Variants in C1QL4 observed in about 807,000 individuals in gnomAD.
C1QL4 encodes the protein complement C1q like 4.
In C1QL4, 5 loss-of-function variants were observed where a neutral mutation model predicts 13.4. The observed-to-expected ratio is 0.37, with a 90% CI of 0.19 to 0.78. The LOEUF is 0.78. Among genes scored for constraint, C1QL4 ranks in the 30% least tolerant of loss-of-function variants. C1QL4 has a pLI of 0.47. For synonymous variants in C1QL4, 168 were observed against 153.9 expected (o/e 1.09, Z -0.68); for missense variants, 367 against 361.6 (o/e 1.01, Z -0.12).
intron 1 of C1QL4, among the ~76,000 whole-genome samples, chr12:49,335,343 C>T (rs1943623547): frequency 6.6e-6 from 1 of 152,260 alleles, no homozygotes; most frequent in African/African-American, 2.4e-5. Flanking sequence ...TTCTAGGCCC[C>T]CAGCCCTGGG....
Position 49,333,089 on chromosome 12 carries a change from T to C in C1QL4, c.682A>G (p.Ser228Gly). The change falls in exon 2 of 2, where the codon AGC becomes GGC. Residue 228 changes from serine to glycine, a missense_variant. By Grantham distance (56) the Ser-to-Gly change is moderately conservative (BLOSUM62 0). Transcript: ENST00000334221. ...TAGATGATGAAGCCGGAGAAGGTGC[T>C]GTACTTGTTGGTGTTGCCGCCGTGC... ...KVHGGNTNKY[S>G]TFSGFIIYPD 1 of 1,614,038 alleles carries C rather than the reference T, an allele frequency of 6.2e-7. No individual in the cohort carries two copies. The highest frequency in any genetic ancestry group is 8.5e-7 in the Non-Finnish European group (1 of 1,179,948).
rs1943603367 is a variant in C1QL4, at chr12:49,333,020, G to A, written c.*34C>T. The A allele has an allele frequency of 1.9e-6, 3 of 1,571,730 alleles. No individual in the cohort carries two copies. Reference sequence around the variant, plus strand: ...GCAGGAGGTGGGTGAGGACGGGAGAGAAGGGGCGAGCGGGGGCACGGGGCG... The same window carrying A: ...GCAGGAGGTGGGTGAGGACGGGAGAAAAGGGGCGAGCGGGGGCACGGGGCG... On this transcript the variant is annotated 3_prime_UTR_variant, in exon 2 of 2. Transcript: ENST00000334221.
intron 1 of C1QL4, 142 bp downstream of exon 1, chr12:49,335,799 G>A (rs933703028): frequency 1.3e-5 from 14 of 1,040,384 alleles, no homozygotes; most frequent in Non-Finnish European, 1.8e-5. Context: ...GTGGGTAAAT[G>A]AAGTCATCTA....
Position 49,336,120 on chromosome 12 carries a change from G to GC in C1QL4, c.357_358insG (p.His120AlafsTer151). 6.2e-7 allele frequency: 1 copy of GC among 1,611,540 alleles called. No homozygotes were observed. The highest frequency in any genetic ancestry group is 8.5e-7 in the Non-Finnish European group (1 of 1,179,752). On this transcript the variant is annotated frameshift_variant, in exon 1 of 2. Transcript: ENST00000334221. LOFTEE classifies it high-confidence loss of function. The surrounding 1 kb of genome is among the most constrained non-coding windows in gnomAD (Gnocchi z 7.7). ...AAGCGCAGCACCTCGTAACCCTCGT[G>GC]GGGCCGCCGCAGGCCCGCGTAGAAA...
chr12:49,333,174 G>T lies in C1QL4; in HGVS notation c.597C>A (p.Ser199Arg). ...CGCCCACGTCCAGGTGCAGAATGACGCTGTTGCTGGCGTAGTCGTAGTTCT... is the reference window on the plus strand; with the variant it reads ...CGCCCACGTCCAGGTGCAGAATGACTCTGTTGCTGGCGTAGTCGTAGTTCT... The part of the protein sequence containing the change: ...ADQNYDYASN[S>R]VILHLDVGDE... Residue 199 changes from serine to arginine, a missense_variant, in exon 2 of 2, where the codon AGC becomes AGA. By Grantham distance (110) the Ser-to-Arg change is moderately radical (BLOSUM62 -1). Coordinates refer to ENST00000334221, the MANE Select transcript of C1QL4 (RefSeq NM_001008223.2). 5 of 1,614,164 alleles carry T rather than the reference G, an allele frequency of 3.1e-6. No homozygotes were observed. The highest frequency in any genetic ancestry group is 3.4e-6 in the Non-Finnish European group (4 of 1,180,008).
chr12:49,333,120 C>T lies in C1QL4; in HGVS notation c.651G>A (p.Gly217=). ...GDEVFIKLDG[G]KVHGGNTNKY... is the part of the protein sequence containing the mutation. ...TGTTGGTGTTGCCGCCGTGCACTTT[C>T]CCGCCGTCCAGCTTGATGAAGACCT... The change falls in exon 2 of 2, where the codon GGG becomes GGA. Residue 217 remains glycine, a synonymous_variant. Transcript: ENST00000334221. 2 of 1,614,130 alleles carry T rather than the reference C, an allele frequency of 1.2e-6. No homozygotes were observed. Among genetic ancestry groups the T allele is most frequent in the Admixed American group, 3.3e-5 (2 of 60,022 alleles).
In C1QL4 at chr12:49,336,161, T is replaced by C. The variant is rs1310185755; in HGVS notation, c.317A>G (p.Tyr106Cys). 6.2e-7 allele frequency: 1 copy of C among 1,603,530 alleles called. No individual in the cohort carries two copies. The highest frequency in any genetic ancestry group is 8.5e-7 in the Non-Finnish European group (1 of 1,175,058). Residue 106 changes from tyrosine to cysteine, a missense_variant, in exon 1 of 2, where the codon TAC becomes TGC. Tyr to Cys is a radical substitution (Grantham distance 194). Coordinates refer to ENST00000334221, the MANE Select transcript of C1QL4 (RefSeq NM_001008223.2). The surrounding 1 kb of genome is among the most constrained non-coding windows in gnomAD (Gnocchi z 7.7). ...CGCGTAGAAAGCAATGCGAGGCACGTAGCCGGCAGCGGGCGCCACCCCGCC... is the reference window on the plus strand; with the variant it reads ...CGCGTAGAAAGCAATGCGAGGCACGCAGCCGGCAGCGGGCGCCACCCCGCC... ...GPGGVAPAAG[Y>C]VPRIAFYAGL...
chr12:49,333,385 C>T (rs1943607424), intron 1 of C1QL4, 152 bp from the exon 2 acceptor site: 2 of 727,714 alleles, frequency 2.7e-6, no homozygotes, highest in Non-Finnish European at 2.2e-6. Context: ...GTTGCTCCAG[C>T]TCTGCCATTC....
intron 1 of C1QL4, among the ~76,000 whole-genome samples, chr12:49,335,103 A>G (rs187762625): frequency 4.6e-5 from 7 of 152,348 alleles, no homozygotes; most frequent in Admixed American, 2.0e-4. Context: ...CCTTGGGGCT[A>G]TTCCCCGAAA....
intron 1 of C1QL4, among the ~76,000 whole-genome samples, chr12:49,335,383 G>A (rs775855442): frequency 2.0e-5 from 3 of 152,266 alleles, no homozygotes. Context: ...ATCGGCAGGT[G>A]AAGTGAGCAG....
chr12:49,336,700 C>T lies in C1QL4; in HGVS notation c.-223G>A, dbSNP rs1352919905. ...CTGCGGGCTCCAGCCGCGGCGGTGCCGCTCCCCAAGCCGTCCGTCAAGGGG... is the reference window on the plus strand; with the variant it reads ...CTGCGGGCTCCAGCCGCGGCGGTGCTGCTCCCCAAGCCGTCCGTCAAGGGG... On this transcript the variant is annotated 5_prime_UTR_variant, in exon 1 of 2. Transcript: ENST00000334221. This position sits in a 1 kb window ranked among gnomAD's most constrained non-coding sequence, Gnocchi z 7.7. The T allele has an allele frequency of 1.4e-5, 7 of 507,400 alleles. No homozygotes were observed. The highest frequency in any genetic ancestry group is 2.0e-5 in the African/African-American group (1 of 49,310). The allele number at this position is 507,400 out of a possible 1,614,324, so 31.4% of individuals were successfully genotyped here. A position where few individuals can be genotyped will look rare whatever the true frequency, so the allele number is the denominator to read the frequency against.
rs764188897 is a variant in C1QL4, at chr12:49,333,063, G to A, written c.708C>T (p.Tyr236=). Residue 236 remains tyrosine, a synonymous_variant, in exon 2 of 2, where the codon TAC becomes TAT. Transcript: ENST00000334221. ...ACGGGGCGGGGCCGGCTCAGTCGGG[G>A]TAGATGATGAAGCCGGAGAAGGTGC... ...KYSTFSGFII[Y]PD is the part of the protein sequence containing the mutation. 4.3e-6 allele frequency: 7 copies of A among 1,613,146 alleles called. No homozygotes were observed. The South Asian group carries it at 4.4e-5, about 10-fold the overall frequency.
At chr12:49,334,644 G>A (rs12581343) in intron 1 of C1QL4, among the ~76,000 whole-genome samples, 2,399 of 152,046 alleles carry the variant, frequency 0.016, 34 homozygotes, top group Middle Eastern at 0.054. Flanking sequence ...TCTGAAACCC[G>A]CACGAATTAG....
intron 1 of C1QL4, among the ~76,000 whole-genome samples, chr12:49,334,298 G>C (rs997916119): frequency 1.3e-5 from 2 of 152,260 alleles, no homozygotes; most frequent in African/African-American, 4.8e-5. Flanking sequence ...CTTCCCCAGT[G>C]GTGGGGCATA....
rs1943638432 is a variant in C1QL4 at position 49,336,918 on chromosome 12, C to T, written c.-441G>A. 1 of 160,414 alleles carries T rather than the reference C, an allele frequency of 6.2e-6. No individual in the cohort carries two copies. The allele number at this position is 160,414 out of a possible 1,614,324, so 9.9% of individuals were successfully genotyped here. ...CTCAGGGATGGCGCGGTGCCTGGGT[C>T]CCAGACTGCCCAGATAGACCACTCC... On this transcript the variant is annotated 5_prime_UTR_variant, in exon 1 of 2. Transcript: ENST00000334221. This position sits in a 1 kb window ranked among gnomAD's most constrained non-coding sequence, Gnocchi z 7.7.
rs761151921 is a variant in C1QL4 at position 49,336,421 on chromosome 12, TGG to T, written c.55_56del (p.Pro19SerfsTer251). On this transcript the variant is annotated frameshift_variant, in exon 1 of 2. Transcript: ENST00000334221. LOFTEE classifies it high-confidence loss of function. The surrounding 1 kb of genome is among the most constrained non-coding windows in gnomAD (Gnocchi z 7.7). ...IPLLVHSSRGPAHYEMLGRCR... is the reference protein window; with the variant it reads ...IPLLVHSSRGXAHYEMLGRCR... ...AGCGACCCAGCATCTCGTAGTGCGC[TGG>T]CCCGCGGGAGCTGTGCACCAGCAGC... is the stretch of plus-strand genomic sequence containing the variant. The T allele has an allele frequency of 6.5e-7, 1 of 1,547,906 alleles. No homozygotes were observed. The highest frequency in any genetic ancestry group is 1.2e-5 in the South Asian group (1 of 85,524).
intron 1 of C1QL4, 65 bp downstream of exon 1, chr12:49,335,876 G>T: frequency 2.6e-6 from 4 of 1,520,596 alleles, no homozygotes; most frequent in Non-Finnish European, 3.6e-6. Context: ...TCAGGTTGTG[G>T]GATGAGTGCA....
Position 49,336,776 on chromosome 12 carries a change from T to C in C1QL4, c.-299A>G. ...GCAGCTCCCGACGGTCCAGAGCCAGTGGTCCTCTAGTACCCTCCCGTTCAG... is the reference window on the plus strand; with the variant it reads ...GCAGCTCCCGACGGTCCAGAGCCAGCGGTCCTCTAGTACCCTCCCGTTCAG... On this transcript the variant is annotated 5_prime_UTR_variant, in exon 1 of 2. Transcript: ENST00000334221. The surrounding 1 kb of genome is among the most constrained non-coding windows in gnomAD (Gnocchi z 7.7). 1 of 390,082 alleles carries C rather than the reference T, an allele frequency of 2.6e-6. No homozygotes were observed. The allele number at this position is 390,082 out of a possible 1,614,324, so 24.2% of individuals were successfully genotyped here.
chr12:49,335,155 A>G (rs1943622428), intron 1 of C1QL4, among the ~76,000 whole-genome samples: 1 of 152,238 alleles, frequency 6.6e-6, no homozygotes, highest in South Asian at 2.1e-4. Context: ...AGGGCAGGGA[A>G]CTGTGGAACC....
Sources: allele counts gnomAD v4.1 joint callset (sites outside exome capture counted in the v4.1 genomes callset), GRCh38; gene constraint gnomAD v4.1.1; non-coding constraint Gnocchi (gnomAD v3.1); transcripts MANE v1.5; gene names NCBI Gene and HGNC (gene_info 2026-07-23, HGNC 2026-07-21).